Variants in NEURL1B observed in about 807,000 individuals in gnomAD.
NEURL1B encodes neuralized E3 ubiquitin protein ligase 1B, also known as E3 ubiquitin-protein ligase NEURL1B.
NEURL1B carries 13 observed loss-of-function variants against 37.4 expected under a neutral mutation model. The observed-to-expected ratio is 0.35, with a 90% CI of 0.23 to 0.55. NEURL1B has a LOEUF of 0.55. NEURL1B is among the 20% of genes least tolerant of loss of function. NEURL1B has a pLI of 0.89. For synonymous variants in NEURL1B, 432 were observed against 426.6 expected, an observed-to-expected ratio of 1.01 and a Z score of -0.16; for missense variants, 790 against 879.2, an observed-to-expected ratio of 0.90 and a Z score of 1.28.
rs140151696 is a variant in NEURL1B at position 172,661,574 on chromosome 5, T to C, written c.32-8211T>C. On this transcript the variant is annotated intron_variant, in intron 1 of 4. Transcript: ENST00000369800. This position sits in a 1 kb window ranked among gnomAD's most constrained non-coding sequence, Gnocchi z 4.0. Reference sequence around the variant, plus strand: ...ATTAAACCCAATAAACCAAGACATGTACCCACTACATAGCAGAGGCCCAGT... The same window carrying C: ...ATTAAACCCAATAAACCAAGACATGCACCCACTACATAGCAGAGGCCCAGT... Among the ~76,000 whole-genome samples, 8 of 152,368 alleles carry C rather than the reference T, an allele frequency of 5.3e-5. No individual in the cohort carries two copies. The highest frequency in any genetic ancestry group is 3.4e-3 in the Middle Eastern group (1 of 294).
chr5:172,646,935 G>A (rs2113255945), intron 1 of NEURL1B, among the ~76,000 whole-genome samples: 1 of 151,790 alleles, frequency 6.6e-6, no homozygotes, highest in East Asian at 1.9e-4. Context: ...ACAGCAGTGG[G>A]AAAGTCTGGA....
chr5:172,653,337 G>A (rs1427771985), intron 1 of NEURL1B, among the ~76,000 whole-genome samples: 1 of 152,042 alleles, frequency 6.6e-6, no homozygotes, highest in East Asian at 1.9e-4. Flanking sequence ...AATGCTTCCA[G>A]TATGATTTTT....
chr5:172,656,702 G>A (rs1454681301), intron 1 of NEURL1B: 34 of 1,372,786 alleles, frequency 2.5e-5, no homozygotes, highest in East Asian at 4.7e-5. Flanking sequence ...TGCCACCTTC[G>A]CGGCCGGACA....
At chr5:172,673,083 G>A (rs958158090) in intron 2 of NEURL1B, among the ~76,000 whole-genome samples, 6 of 152,046 alleles carry the variant, frequency 3.9e-5, no homozygotes, top group Admixed American at 2.6e-4. Context: ...CTGGGTAAAG[G>A]GATTATGAGT....
rs538444605 is a variant in NEURL1B, at chr5:172,664,061, C to T, written c.32-5724C>T. ...TGGGAGCGATGTGGGGAAATGCTTT[C>T]GATGTAATGTTGAATTAGAAAACAA... On this transcript the variant is annotated intron_variant, in intron 1 of 4. Transcript: ENST00000369800. 7.9e-5 allele frequency among the ~76,000 whole-genome samples: 12 copies of T among 151,768 alleles called. No homozygotes were observed. The East Asian group carries it at 2.1e-3, about 27-fold the overall frequency.
rs1758415788 is a variant in NEURL1B, at chr5:172,683,713, G to C, written c.872G>C (p.Ser291Thr). The change falls in exon 3 of 5, where the codon AGC becomes ACC. Residue 291 changes from serine to threonine, a missense_variant. Around this residue, in one of 3 missense-constraint regions of NEURL1B, gnomAD observed 460 missense variants for 407.4 expected, o/e 1.13. Coordinates refer to ENST00000369800, the MANE Select transcript of NEURL1B (RefSeq NM_001142651.3). This position sits in a 1 kb window ranked among gnomAD's most constrained non-coding sequence, Gnocchi z 5.6. ...CACGCAACACGCGGGCCCGACGTGAGCCTGTCGGCCGACCGCAAAGTGGCC... is the reference window on the plus strand; with the variant it reads ...CACGCAACACGCGGGCCCGACGTGACCCTGTCGGCCGACCGCAAAGTGGCC... The part of the protein sequence containing the change: ...RFHATRGPDV[S>T]LSADRKVACA... 1.5e-6 allele frequency: 2 copies of C among 1,356,966 alleles called. No individual in the cohort carries two copies. The highest frequency in any genetic ancestry group is 1.6e-5 in the African/African-American group (1 of 64,468). 84.1% of individuals were successfully genotyped at this position (1,356,966 alleles called of 1,614,324 possible). A position where few individuals can be genotyped will look rare whatever the true frequency, so the allele number is the denominator to read the frequency against.
Position 172,675,346 on chromosome 5 carries a change from G to A in NEURL1B, c.577+5016G>A, listed in dbSNP as rs1277909192. On this transcript the variant is annotated intron_variant, in intron 2 of 4. Transcript: ENST00000369800. The surrounding 1 kb of genome is among the most constrained non-coding windows in gnomAD (Gnocchi z 4.7). Reference sequence around the variant, plus strand: ...TCCCTCGTGGCTCCTGCCCATTGATGGACACCTGGATTACGACCAATCCCC... The same window carrying A: ...TCCCTCGTGGCTCCTGCCCATTGATAGACACCTGGATTACGACCAATCCCC... 6.6e-6 allele frequency among the ~76,000 whole-genome samples: 1 copy of A among 152,028 alleles called. No individual in the cohort carries two copies. Among genetic ancestry groups the A allele is most frequent in the Non-Finnish European group, 1.5e-5 (1 of 68,012 alleles).
In NEURL1B at chr5:172,670,374, C is replaced by A. The variant is rs933102327; in HGVS notation, c.577+44C>A. The A allele has an allele frequency of 4.5e-5, 59 of 1,319,660 alleles. No individual in the cohort carries two copies. The East Asian group carries it at 1.4e-3, about 32-fold the overall frequency. The allele number at this position is 1,319,660 out of a possible 1,614,324, so 81.7% of individuals were successfully genotyped here. On this transcript the variant is annotated intron_variant, in intron 2 of 4. Coordinates refer to ENST00000369800, the MANE Select transcript of NEURL1B (RefSeq NM_001142651.3). The stretch of plus-strand genomic sequence containing the variant: ...GCCCCCTGGGGACCTGGCAGCGGTG[C>A]CTTTGCGCGTGGGTGTGTGTTTCAT...
chr5:172,679,970 CA>C (rs1758317178), intron 2 of NEURL1B, among the ~76,000 whole-genome samples: 2 of 152,178 alleles, frequency 1.3e-5, no homozygotes, highest in South Asian at 4.1e-4. Context: ...CTCTTGGTGG[CA>C]CTTGGCCCAG....
At chr5:172,674,577 AC>A (rs1758192487) in intron 2 of NEURL1B, among the ~76,000 whole-genome samples, 1 of 152,130 alleles carries the variant, frequency 6.6e-6, no homozygotes, top group Non-Finnish European at 1.5e-5. Context: ...CTGCACCCAG[AC>A]CAATTAAATC....
chr5:172,655,210 G>A (rs1757746393), intron 1 of NEURL1B, among the ~76,000 whole-genome samples: 1 of 152,046 alleles, frequency 6.6e-6, no homozygotes, highest in Non-Finnish European at 1.5e-5. Context: ...CTCAAACCAG[G>A]GATGTCTCGC....
At position 172,665,303 on chromosome 5, in the gene NEURL1B, A is replaced by G. The variant is rs1757987648; in HGVS notation, c.32-4482A>G. Among the ~76,000 whole-genome samples, 1 of 152,176 alleles carries G rather than the reference A, an allele frequency of 6.6e-6. No individual in the cohort carries two copies. Among genetic ancestry groups the G allele is most frequent in the Non-Finnish European group, 1.5e-5 (1 of 68,028 alleles). On this transcript the variant is annotated intron_variant, in intron 1 of 4. Coordinates refer to ENST00000369800, the MANE Select transcript of NEURL1B (RefSeq NM_001142651.3). This position sits in a 1 kb window ranked among gnomAD's most constrained non-coding sequence, Gnocchi z 4.1. Reference sequence around the variant, plus strand: ...GTGCACAAGGCCACCGTGAGCGTGGACAGCACAGGCTTCTGCTGTCCCTGA... The same window carrying G: ...GTGCACAAGGCCACCGTGAGCGTGGGCAGCACAGGCTTCTGCTGTCCCTGA...
rs940022015 is a variant in NEURL1B at position 172,657,220 on chromosome 5, T to C, written c.32-12565T>C. Among the ~76,000 whole-genome samples the C allele has an allele frequency of 6.6e-6, 1 of 152,162 alleles. No homozygotes were observed. Among genetic ancestry groups the C allele is most frequent in the Admixed American group, 6.5e-5 (1 of 15,276 alleles). On this transcript the variant is annotated intron_variant, in intron 1 of 4. Coordinates refer to ENST00000369800, the MANE Select transcript of NEURL1B (RefSeq NM_001142651.3). The surrounding 1 kb of genome is among the most constrained non-coding windows in gnomAD (Gnocchi z 4.0). ...CCTCTCTGGGCCTAATGTCCCTATA[T>C]GTGAAATGGGCTCACAGGGCTATAG...
Position 172,641,270 on chromosome 5 carries a change from C to T in NEURL1B, c.-137C>T. On this transcript the variant is annotated 5_prime_UTR_variant, in exon 1 of 5. Transcript: ENST00000369800. The surrounding 1 kb of genome is among the most constrained non-coding windows in gnomAD (Gnocchi z 6.4). Reference sequence around the variant, plus strand: ...GCCGCCTCCCTCCCGGCTCCCGCCCCAGCTGCCGCCCGCCGGCTCGCCCGT... The same window carrying T: ...GCCGCCTCCCTCCCGGCTCCCGCCCTAGCTGCCGCCCGCCGGCTCGCCCGT... 1.3e-6 allele frequency: 1 copy of T among 754,226 alleles called. No individual in the cohort carries two copies. Among genetic ancestry groups the T allele is most frequent in the Non-Finnish European group, 1.8e-6 (1 of 565,896 alleles). The allele number at this position is 754,226 out of a possible 1,614,324, so 46.7% of individuals were successfully genotyped here. A position where few individuals can be genotyped will look rare whatever the true frequency, so the allele number is the denominator to read the frequency against.
intron 1 of NEURL1B, among the ~76,000 whole-genome samples, chr5:172,659,969 T>A (rs1757864099): frequency 6.6e-6 from 1 of 152,224 alleles, no homozygotes; most frequent in South Asian, 2.1e-4. Context: ...GGGGTCTGCT[T>A]ATGTCCATCC....
chr5:172,663,268 A>G (rs959956179), intron 1 of NEURL1B, among the ~76,000 whole-genome samples: 5 of 152,002 alleles, frequency 3.3e-5, no homozygotes, highest in Admixed American at 2.6e-4. Flanking sequence ...CACGCCTGCA[A>G]TCCCAGCACT....
At chr5:172,654,735 A>AT (rs964133060) in intron 1 of NEURL1B, among the ~76,000 whole-genome samples, 39 of 152,168 alleles carry the variant, frequency 2.6e-4, no homozygotes, top group Middle Eastern at 3.4e-3. Flanking sequence ...TGGGTTAGGG[A>AT]TTTTTGATAG....
intron 1 of NEURL1B, among the ~76,000 whole-genome samples, chr5:172,664,488 TG>T (rs969053524): frequency 2.4e-5 from 3 of 126,628 alleles, no homozygotes; most frequent in Admixed American, 8.2e-5. Flanking sequence ...AGGCAGCGGG[TG>T]GGGGGGACGG....
chr5:172,654,657 C>T (rs1757732064), intron 1 of NEURL1B, among the ~76,000 whole-genome samples: 1 of 133,510 alleles, frequency 7.5e-6, no homozygotes, highest in Non-Finnish European at 1.6e-5. Flanking sequence ...AGTTATTTTT[C>T]TACTTTTTTC....
Sources: gnomAD v4.1 joint callset for allele counts (sites outside exome capture counted in the v4.1 genomes callset) on GRCh38, gnomAD v4.1.1 for gene constraint, gnomAD v4.1.1 regional missense constraint, Gnocchi (gnomAD v3.1) non-coding constraint, MANE v1.5 for transcripts, NCBI Gene and HGNC (gene_info 2026-07-23, HGNC 2026-07-21) for gene names.